HDAC4: variants seen among roughly 807,000 people sequenced by gnomAD.
HDAC4 encodes histone deacetylase 4.
In HDAC4, 16 loss-of-function variants were observed where a neutral mutation model predicts 135.1. That is an observed-to-expected ratio of 0.12 (90% CI 0.08 to 0.18). HDAC4 has a LOEUF of 0.18. Among genes scored for constraint, HDAC4 ranks in the 10% least tolerant of loss-of-function variants. The probability of loss-of-function intolerance (pLI) is 1.00; values close to 1 mark genes in which losing one functional copy is unlikely to be tolerated. For missense variants in HDAC4, 1,143 were observed against 1,511.8 expected (o/e 0.76, Z 4.05); for synonymous variants, 685 against 653.4 (o/e 1.05, Z -0.74).
intron 7 of HDAC4, among the ~76,000 whole-genome samples, chr2:239,150,851 G>C (rs113678488): frequency 1.2e-3 from 182 of 151,174 alleles, no homozygotes; most frequent in African/African-American, 4.3e-3. Flanking sequence ...TACAGCAGCA[G>C]GAAGTCTCAC....
rs575548429 is a variant in HDAC4, at chr2:239,053,282, T to C, written c.3231-146A>G. The C allele has an allele frequency of 8.5e-4, 1,132 of 1,326,370 alleles. 3 individuals carry two copies. The highest frequency in any genetic ancestry group is 1.1e-3 in the Non-Finnish European group (997 of 948,562). The allele number at this position is 1,326,370 out of a possible 1,614,324, so 82.2% of individuals were successfully genotyped here. A position where few individuals can be genotyped will look rare whatever the true frequency, so the allele number is the denominator to read the frequency against. Reference sequence around the variant, plus strand: ...CAGCCCCGGGTCCATCTGTTCAGGATCTAATGCTCCTCATGCGTCTCTAAG... The same window carrying C: ...CAGCCCCGGGTCCATCTGTTCAGGACCTAATGCTCCTCATGCGTCTCTAAG... On this transcript the variant is annotated intron_variant, in intron 26 of 26. Coordinates refer to ENST00000543185, the MANE Select transcript of HDAC4 (RefSeq NM_001378414.1).
rs372652273 is a variant in HDAC4, at chr2:239,054,740, G to C, written c.3088+9C>G. ...GTGTCCCCTGTGAGCACCCAGCCAGGCAACTTACTGTGGATCTCCATGACT... is the reference window on the plus strand; with the variant it reads ...GTGTCCCCTGTGAGCACCCAGCCAGCCAACTTACTGTGGATCTCCATGACT... On this transcript the variant is annotated intron_variant, in intron 25 of 26. Transcript: ENST00000543185. 5 of 1,598,706 alleles carry C rather than the reference G, an allele frequency of 3.1e-6. No homozygotes were observed. The highest frequency in any genetic ancestry group is 4.3e-6 in the Non-Finnish European group (5 of 1,166,170).
chr2:239,208,060 C>T (rs843470), intron 3 of HDAC4, among the ~76,000 whole-genome samples: 137,008 of 151,992 alleles, frequency 0.9, 61,878 homozygotes, highest in South Asian at 0.97. Flanking sequence ...CGGTGGCTCA[C>T]GCCTGTAATC....
chr2:239,348,612 C>G (rs4852051), intron 2 of HDAC4, among the ~76,000 whole-genome samples: 1 of 152,168 alleles, frequency 6.6e-6, no homozygotes, highest in Admixed American at 6.5e-5. Flanking sequence ...TCCACACTCC[C>G]GGTTTCATGC....
intron 11 of HDAC4, among the ~76,000 whole-genome samples, chr2:239,128,473 A>C (rs2040347975): frequency 6.6e-6 from 1 of 152,064 alleles, no homozygotes; most frequent in Non-Finnish European, 1.5e-5. Flanking sequence ...GGTTGCAGTG[A>C]GCCCAGATAA....
At chr2:239,163,529 G>A (rs1390600166) in intron 6 of HDAC4, among the ~76,000 whole-genome samples, 1 of 152,018 alleles carries the variant, frequency 6.6e-6, no homozygotes, top group Admixed American at 6.5e-5. Context: ...TATGGAGGTG[G>A]GTCCCCCTGT....
In HDAC4 at chr2:239,134,559, T is replaced by C. The variant is rs773853789; in HGVS notation, c.1063A>G (p.Thr355Ala). 98 of 1,613,988 alleles carry C rather than the reference T, an allele frequency of 6.1e-5. No homozygotes were observed. Among genetic ancestry groups the C allele is most frequent in the Non-Finnish European group, 7.9e-5 (93 of 1,180,038 alleles). The change falls in exon 10 of 27, where the codon ACG becomes GCG. Residue 355 changes from threonine (T) to alanine (A), a missense_variant. Physicochemically the swap from Thr to Ala is moderately conservative, Grantham distance 58. Transcript: ENST00000543185. Reference sequence around the variant, plus strand: ...GGGCCGGTGGCAGGCAGGCCCAGCGTGATGTTGGGCAAGGATGGCGATGTG... The same window carrying C: ...GGGCCGGTGGCAGGCAGGCCCAGCGCGATGTTGGGCAAGGATGGCGATGTG... ...LYTSPSLPNI[T>A]LGLPATGPSA... is the part of the protein sequence containing the mutation.
In HDAC4 at chr2:239,342,744, C is replaced by A. The variant is rs1228821933; in HGVS notation, c.22+9934G>T. ...GAGATGGAGGAGAGTACAGTGAGGG[C>A]TGAGGGAGATGAGGGAGCCTGGGGT... On this transcript the variant is annotated intron_variant, in intron 2 of 26. Transcript: ENST00000543185. 2.6e-5 allele frequency among the ~76,000 whole-genome samples: 4 copies of A among 152,226 alleles called. No homozygotes were observed. In the East Asian group the frequency reaches 7.7e-4, roughly 29 times the overall value.
intron 2 of HDAC4, among the ~76,000 whole-genome samples, chr2:239,302,882 C>T (rs960518782): frequency 2.0e-5 from 3 of 152,216 alleles, no homozygotes; most frequent in Non-Finnish European, 4.4e-5. Flanking sequence ...GAGGGACTTG[C>T]TGGGCGTGCG....
rs775674774 is a variant in HDAC4, at chr2:239,108,038, G to C, written c.2112+12C>G. 1 of 1,610,538 alleles carries C rather than the reference G, an allele frequency of 6.2e-7. No individual in the cohort carries two copies. Among genetic ancestry groups the C allele is most frequent in the Non-Finnish European group, 8.5e-7 (1 of 1,179,744 alleles). Reference sequence around the variant, plus strand: ...AAAGCCGCAGCTGCCCACCTGCCCCGGTCGGCGTTACCTCGCATTTGCCCC... The same window carrying C: ...AAAGCCGCAGCTGCCCACCTGCCCCCGTCGGCGTTACCTCGCATTTGCCCC... On this transcript the variant is annotated intron_variant, in intron 15 of 26. Coordinates refer to ENST00000543185, the MANE Select transcript of HDAC4 (RefSeq NM_001378414.1).
chr2:239,165,351 G>T (rs1559542328), intron 5 of HDAC4, among the ~76,000 whole-genome samples: 1 of 152,208 alleles, frequency 6.6e-6, no homozygotes, highest in Non-Finnish European at 1.5e-5. Context: ...CCAAAAGCCA[G>T]CAGGCATCAC....
intron 2 of HDAC4, among the ~76,000 whole-genome samples, chr2:239,345,741 G>A (rs532623450): frequency 7.9e-5 from 11 of 139,780 alleles, no homozygotes; most frequent in South Asian, 4.6e-4. Context: ...CATACACACC[G>A]TCTAAAACAC....
chr2:239,081,997 C>T (rs748304807), intron 21 of HDAC4, 105 bp downstream of exon 21: 48 of 1,250,180 alleles, frequency 3.8e-5, no homozygotes, highest in Admixed American at 5.2e-5. Context: ...GCACGAAGGC[C>T]GCACTCACTG....
intron 3 of HDAC4, among the ~76,000 whole-genome samples, chr2:239,232,946 T>TCCCTCACCAAGCCAAGGGTGGCCCTTC (rs2047678691): frequency 9.9e-6 from 1 of 100,910 alleles, no homozygotes; most frequent in African/African-American, 3.8e-5. Context: ...GGGTGGCCCT[T>TCCCTCACCAAGCCAAGGGTGGCCCTTC]CCCTCACCAA....
At chr2:239,246,569 A>G (rs1340058258) in intron 2 of HDAC4, among the ~76,000 whole-genome samples, 2 of 152,190 alleles carry the variant, frequency 1.3e-5, no homozygotes, top group African/African-American at 4.8e-5. Context: ...GAGTGAAAGC[A>G]AGCCGCTCTT....
At position 239,146,555 on chromosome 2, in the gene HDAC4, C is replaced by T. The variant is rs771137137; in HGVS notation, c.734-1841G>A. ...TACTGCAGCCCAGTGCACCGCCTCC[C>T]CCAGGCCCTGTGGGGGTCATCACGC... On this transcript the variant is annotated intron_variant, in intron 7 of 26. Coordinates refer to ENST00000543185, the MANE Select transcript of HDAC4 (RefSeq NM_001378414.1). The surrounding 1 kb of genome is among the most constrained non-coding windows in gnomAD (Gnocchi z 4.5). 5.9e-5 allele frequency among the ~76,000 whole-genome samples: 9 copies of T among 152,178 alleles called. No homozygotes were observed. Among genetic ancestry groups the T allele is most frequent in the Non-Finnish European group, 1.3e-4 (9 of 68,000 alleles).
intron 1 of HDAC4, among the ~76,000 whole-genome samples, chr2:239,377,924 A>G (rs1444614395): frequency 1.3e-5 from 2 of 152,050 alleles, no homozygotes; most frequent in African/African-American, 4.8e-5. Context: ...TTGGTTTTAC[A>G]CCCACCTCAA....
At chr2:239,325,219 A>C (rs2125787482) in intron 2 of HDAC4, among the ~76,000 whole-genome samples, 1 of 152,374 alleles carries the variant, frequency 6.6e-6, no homozygotes, top group South Asian at 2.1e-4. Flanking sequence ...AGGCCAAGCA[A>C]CAAAAAACAG....
intron 2 of HDAC4, among the ~76,000 whole-genome samples, chr2:239,239,725 C>T (rs1227831813): frequency 6.6e-6 from 1 of 152,224 alleles, no homozygotes; most frequent in African/African-American, 2.4e-5. Flanking sequence ...TTCAAACCCC[C>T]AACACTGCCA....
Sources: allele counts gnomAD v4.1 joint callset (sites outside exome capture counted in the v4.1 genomes callset), GRCh38; gene constraint gnomAD v4.1.1; non-coding constraint Gnocchi (gnomAD v3.1); transcripts MANE v1.5; gene names NCBI Gene and HGNC (gene_info 2026-07-23, HGNC 2026-07-21).